The following GBE1 variants were observed in gnomAD, a reference collection of about 807,000 sequenced individuals.
GBE1 encodes 1,4-alpha-glucan-branching enzyme.
A neutral mutation model predicts 88.8 loss-of-function variants in GBE1; 70 were observed. The ratio of observed to expected loss-of-function variants is 0.79; its 90% CI spans 0.65 to 0.96. The LOEUF (loss-of-function observed/expected upper bound fraction) is 0.96, where lower values mean the gene tolerates loss of function less well. Among genes scored for constraint, GBE1 ranks in the 40% least tolerant of loss-of-function variants. The pLI, the probability that GBE1 is intolerant of heterozygous loss-of-function variation, is 0.00. For missense variants in GBE1, 872 were observed against 871.0 expected, an observed-to-expected ratio of 1.00 and a Z score of -0.01; for synonymous variants, 284 against 300.1, an observed-to-expected ratio of 0.95 and a Z score of 0.56.
In GBE1 at chr3:81,532,722, C is replaced by G. The variant is rs1576135879; in HGVS notation, c.1934+2473G>C. On this transcript the variant is annotated intron_variant, in intron 14 of 15. Transcript: ENST00000429644. ...CTAATTAATATGGCATTAAAATCTT[C>G]TATTATGTGATCTCCATCTGTTTTC... 2.6e-5 allele frequency among the ~76,000 whole-genome samples: 4 copies of G among 152,184 alleles called. No homozygotes were observed. The South Asian group carries it at 8.3e-4, about 32-fold the overall frequency.
rs368943232 is a variant in GBE1, at chr3:81,721,090, T to C, written c.144-15477A>G. On this transcript the variant is annotated intron_variant, in intron 1 of 15. Transcript: ENST00000429644. Reference sequence around the variant, plus strand: ...GGGGGAGGGATAGCATTGGGAGATATACCTAATGCTAGATGACACATTAGT... The same window carrying C: ...GGGGGAGGGATAGCATTGGGAGATACACCTAATGCTAGATGACACATTAGT... Among the ~76,000 whole-genome samples the C allele has an allele frequency of 2.9e-3, 304 of 103,084 alleles. 2 individuals are homozygous for C. The highest frequency in any genetic ancestry group is 0.01 in the African/African-American group (243 of 23,784). The allele number at this position is 103,084 out of a possible 152,430, so 67.6% of individuals were successfully genotyped here.
intron 10 of GBE1, among the ~76,000 whole-genome samples, chr3:81,584,563 T>C (rs951270190): frequency 6.6e-6 from 1 of 152,052 alleles, no homozygotes; most frequent in African/African-American, 2.4e-5. Flanking sequence ...AATAATTACA[T>C]AAAATAGAAG....
At chr3:81,642,705 A>G in intron 7 of GBE1, 76 bp downstream of exon 7, 1 of 937,142 alleles carries the variant, frequency 1.1e-6, no homozygotes, top group Non-Finnish European at 1.7e-6. Flanking sequence ...TACACACACA[A>G]TGAATTTAGT....
At chr3:81,506,537 A>C (rs1702656723) in intron 14 of GBE1, among the ~76,000 whole-genome samples, 1 of 152,178 alleles carries the variant, frequency 6.6e-6, no homozygotes, top group South Asian at 2.1e-4. Context: ...AAAGACAGAA[A>C]TACGATTTAA....
chr3:81,735,771 G>T (rs1261475769), intron 1 of GBE1, among the ~76,000 whole-genome samples: 8 of 152,124 alleles, frequency 5.3e-5, no homozygotes, highest in Admixed American at 3.9e-4. Context: ...AGGGAAATCA[G>T]TCTCACCTTC....
chr3:81,552,188 T>C (rs2106895882), intron 12 of GBE1, among the ~76,000 whole-genome samples: 3 of 152,258 alleles, frequency 2.0e-5, no homozygotes, highest in Admixed American at 2.0e-4. Flanking sequence ...GACAGGATAG[T>C]GGGTGAAGTA....
At chr3:81,712,605 A>G (rs1705884719) in intron 1 of GBE1, among the ~76,000 whole-genome samples, 1 of 150,806 alleles carries the variant, frequency 6.6e-6, no homozygotes, top group African/African-American at 2.4e-5. Flanking sequence ...CAATGAGAAC[A>G]CTTGGACACA....
At chr3:81,698,190 T>C (rs1434314035) in intron 2 of GBE1, among the ~76,000 whole-genome samples, 2 of 151,742 alleles carry the variant, frequency 1.3e-5, no homozygotes, top group African/African-American at 4.8e-5. Context: ...AGCTCCATGA[T>C]CCAGCACAAT....
intron 1 of GBE1, among the ~76,000 whole-genome samples, chr3:81,739,013 G>C (rs981019576): frequency 2.0e-5 from 3 of 152,122 alleles, no homozygotes; most frequent in Non-Finnish European, 4.4e-5. Context: ...CATAGTTGGT[G>C]CCTTGTTGTT....
At chr3:81,751,144 G>A (rs1706523882) in intron 1 of GBE1, among the ~76,000 whole-genome samples, 1 of 152,254 alleles carries the variant, frequency 6.6e-6, no homozygotes, top group East Asian at 1.9e-4. Context: ...ACAAAGATCA[G>A]GTCTAGCAAA....
chr3:81,641,984 C>T (rs878910499), intron 7 of GBE1, among the ~76,000 whole-genome samples: 1 of 150,246 alleles, frequency 6.7e-6, no homozygotes, highest in South Asian at 2.1e-4. Flanking sequence ...ATGTATTATA[C>T]ATTACTTGAT....
rs539203557 is a variant in GBE1, at chr3:81,536,909, A to G, written c.1803+2T>C. On this transcript the variant is annotated splice_donor_variant, in intron 13 of 15. Coordinates refer to ENST00000429644, the MANE Select transcript of GBE1 (RefSeq NM_000158.4). LOFTEE classifies it high-confidence loss of function. ...ACACAGCATCCAGAGTGAAGAGCTT[A>G]CCTGTGGAGCTGCAAGCCAACCATA... 2.3e-5 allele frequency: 36 copies of G among 1,583,492 alleles called. No homozygotes were observed. The highest frequency in any genetic ancestry group is 3.0e-5 in the Non-Finnish European group (35 of 1,167,104).
At chr3:81,611,177 C>T (rs1245651522) in intron 7 of GBE1, among the ~76,000 whole-genome samples, 1 of 151,988 alleles carries the variant, frequency 6.6e-6, no homozygotes, top group Non-Finnish European at 1.5e-5. Flanking sequence ...AATATTTTGA[C>T]ACAATTGCAC....
At chr3:81,651,825 A>G (rs35841286) in intron 3 of GBE1, among the ~76,000 whole-genome samples, 4,845 of 152,304 alleles carry the variant, frequency 0.032, 103 homozygotes, top group Non-Finnish European at 0.05. Flanking sequence ...GGCAGAGAAA[A>G]TACTTGCAAT....
intron 14 of GBE1, among the ~76,000 whole-genome samples, chr3:81,531,163 AG>A (rs1703007153): frequency 6.6e-6 from 1 of 151,682 alleles, no homozygotes; most frequent in South Asian, 2.1e-4. Flanking sequence ...TCAAAGCCCA[AG>A]GGCTCCTTAG....
At chr3:81,709,537 G>C (rs1333935629) in intron 1 of GBE1, among the ~76,000 whole-genome samples, 1 of 152,134 alleles carries the variant, frequency 6.6e-6, no homozygotes, top group Non-Finnish European at 1.5e-5. Flanking sequence ...ATAACGTTGG[G>C]AGGATAAACA....
chr3:81,588,444 T>C (rs1424197022), intron 9 of GBE1, among the ~76,000 whole-genome samples: 2 of 152,098 alleles, frequency 1.3e-5, no homozygotes, highest in Non-Finnish European at 2.9e-5. Context: ...TCAAGATGAA[T>C]TTTCTCAAGA....
At chr3:81,553,909 T>C (rs1351761690) in intron 12 of GBE1, among the ~76,000 whole-genome samples, 1 of 152,144 alleles carries the variant, frequency 6.6e-6, no homozygotes, top group Non-Finnish European at 1.5e-5. Context: ...TTGACCTATA[T>C]GCCATTTTTT....
chr3:81,578,958 T>C (rs905587630), intron 11 of GBE1, among the ~76,000 whole-genome samples: 1 of 152,050 alleles, frequency 6.6e-6, no homozygotes. Flanking sequence ...TCTTTAAAAA[T>C]TGTTATAGGA....
Sources: allele counts gnomAD v4.1 joint callset (sites outside exome capture counted in the v4.1 genomes callset), GRCh38; gene constraint gnomAD v4.1.1; transcripts MANE v1.5; gene names NCBI Gene and HGNC (gene_info 2026-07-23, HGNC 2026-07-21).